SSH2: variants seen among roughly 807,000 people sequenced by gnomAD.
SSH2 encodes the protein slingshot protein phosphatase 2.
SSH2 carries 37 observed loss-of-function variants against 135.2 expected under a neutral mutation model. That is an observed-to-expected ratio of 0.27 (90% confidence interval 0.21 to 0.36). The LOEUF is 0.36. Among genes scored for constraint, SSH2 ranks in the 10% least tolerant of loss-of-function variants. SSH2 has a pLI of 1.00. For synonymous variants in SSH2, 628 were observed against 646.2 expected (o/e 0.97, Z 0.43); for missense variants, 1,408 against 1,765.3 (o/e 0.80, Z 3.63).
intron 2 of SSH2, among the ~76,000 whole-genome samples, chr17:29,812,616 C>A (rs1040928573): frequency 6.6e-6 from 1 of 152,152 alleles, no homozygotes; most frequent in Non-Finnish European, 1.5e-5. Flanking sequence ...GCCAGCCGGG[C>A]GCGATGGCTC....
intron 3 of SSH2, among the ~76,000 whole-genome samples, chr17:29,747,036 T>G (rs747137775): frequency 6.6e-6 from 1 of 152,154 alleles, no homozygotes; most frequent in Non-Finnish European, 1.5e-5. Context: ...ATCACGAATA[T>G]CCATGTAAAT....
In SSH2 at chr17:29,761,289, A is replaced by T. The variant is rs1427148230; in HGVS notation, c.188+32605T>A. The T allele has an allele frequency of 3.9e-6, 5 of 1,283,664 alleles. No individual in the cohort carries two copies. In the South Asian group the frequency reaches 6.2e-5, roughly 16 times the overall value. 79.5% of individuals were successfully genotyped at this position (1,283,664 alleles called of 1,614,324 possible). A position where few individuals can be genotyped will look rare whatever the true frequency, so the allele number is the denominator to read the frequency against. On this transcript the variant is annotated intron_variant, in intron 3 of 15. Transcript: ENST00000540801. ...GTGCTCAGGGTCATGGGGCCGGCTCAAAGTGCACAACTCCGCATCCTGGCC... is the reference window on the plus strand; with the variant it reads ...GTGCTCAGGGTCATGGGGCCGGCTCTAAGTGCACAACTCCGCATCCTGGCC...
At chr17:29,694,842 GT>G (rs1335648801) in intron 5 of SSH2, among the ~76,000 whole-genome samples, 21 of 152,110 alleles carry the variant, frequency 1.4e-4, no homozygotes, top group Non-Finnish European at 1.5e-4. Flanking sequence ...TGCCTGCCTT[GT>G]TTTCTAGTCT....
At chr17:29,874,259 C>A (rs972135867) in intron 1 of SSH2, among the ~76,000 whole-genome samples, 13 of 145,778 alleles carry the variant, frequency 8.9e-5, no homozygotes, top group African/African-American at 3.1e-4. Context: ...CCACTGCACT[C>A]CAGCCTGGGT....
intron 2 of SSH2, among the ~76,000 whole-genome samples, chr17:29,804,780 C>T (rs767544042): frequency 6.6e-6 from 1 of 151,056 alleles, no homozygotes; most frequent in Non-Finnish European, 1.5e-5. Context: ...CAAGTGTTCT[C>T]TCGCCTCAGC....
intron 3 of SSH2, among the ~76,000 whole-genome samples, chr17:29,712,661 G>A (rs189649157): frequency 4.9e-4 from 74 of 152,198 alleles, no homozygotes; most frequent in African/African-American, 1.5e-3. Flanking sequence ...AAAATTAGCC[G>A]GGCATGGTGG....
At chr17:29,652,012 T>G (rs962125176) in intron 12 of SSH2, among the ~76,000 whole-genome samples, 1 of 152,080 alleles carries the variant, frequency 6.6e-6, no homozygotes, top group Non-Finnish European at 1.5e-5. Context: ...CGTGGTGGCA[T>G]GTGCCTGTAA....
intron 1 of SSH2, among the ~76,000 whole-genome samples, chr17:29,883,887 C>T (rs2066184692): frequency 6.6e-6 from 1 of 152,122 alleles, no homozygotes; most frequent in Non-Finnish European, 1.5e-5. Context: ...AATATTTGAC[C>T]TTGCATTCCT....
chr17:29,797,728 C>G (rs1036316757), intron 2 of SSH2, among the ~76,000 whole-genome samples: 1 of 152,146 alleles, frequency 6.6e-6, no homozygotes, highest in South Asian at 2.1e-4. Flanking sequence ...AAGACACAGT[C>G]TCTACCAAAA....
At chr17:29,741,883 G>A (rs2040567817) in intron 3 of SSH2, among the ~76,000 whole-genome samples, 1 of 150,734 alleles carries the variant, frequency 6.6e-6, no homozygotes, top group Admixed American at 6.6e-5. Flanking sequence ...CAAAGTGCTT[G>A]GGATTACAGG....
chr17:29,769,599 G>A (rs2041523029), intron 3 of SSH2, among the ~76,000 whole-genome samples: 1 of 152,074 alleles, frequency 6.6e-6, no homozygotes, highest in Non-Finnish European at 1.5e-5. Flanking sequence ...GGCATTTAAT[G>A]TATTTGTGAA....
intron 1 of SSH2, among the ~76,000 whole-genome samples, chr17:29,907,124 T>C (rs1287118041): frequency 6.6e-6 from 1 of 152,178 alleles, no homozygotes. Flanking sequence ...ATGCCCATCA[T>C]TGATAGACTG....
intron 3 of SSH2, among the ~76,000 whole-genome samples, chr17:29,732,791 C>G (rs2040241383): frequency 1.3e-5 from 2 of 152,152 alleles, no homozygotes. Context: ...TGGAAACCAA[C>G]AGAACAACCA....
chr17:29,871,721 A>C (rs1164694074), intron 1 of SSH2, among the ~76,000 whole-genome samples: 1 of 152,220 alleles, frequency 6.6e-6, no homozygotes, highest in African/African-American at 2.4e-5. Flanking sequence ...AATGTTTCCA[A>C]ACCTGGGAAA....
intron 5 of SSH2, among the ~76,000 whole-genome samples, chr17:29,694,664 G>A (rs547949564): frequency 3.3e-5 from 5 of 152,076 alleles, no homozygotes; most frequent in South Asian, 2.1e-4. Flanking sequence ...GCAAGACTCC[G>A]TCTCACAAAG....
In SSH2 at chr17:29,676,831, C is replaced by A; in HGVS notation, c.603G>T (p.Val201=). The change falls in exon 8 of 16, where the codon GTG becomes GTT. Residue 201 remains valine (V), a synonymous_variant. Transcript: ENST00000540801. ...NRVHIFKPVS[V]QAMWSALQSL... is the part of the protein sequence containing the mutation. ...AAAAGTCATCTTACCACATTGCCTGCACAGATACAGGTTTGAATATGTGAA... is the reference window on the plus strand; with the variant it reads ...AAAAGTCATCTTACCACATTGCCTGAACAGATACAGGTTTGAATATGTGAA... 6.2e-7 allele frequency: 1 copy of A among 1,613,430 alleles called. No homozygotes were observed. The highest frequency in any genetic ancestry group is 8.5e-7 in the Non-Finnish European group (1 of 1,179,496).
At chr17:29,854,833 GCTA>G (rs1329302611) in intron 1 of SSH2, among the ~76,000 whole-genome samples, 1 of 151,896 alleles carries the variant, frequency 6.6e-6, no homozygotes, top group Non-Finnish European at 1.5e-5. Flanking sequence ...TGTAATCCCA[GCTA>G]CTCGGGAGGC....
chr17:29,731,869 G>T lies in SSH2; in HGVS notation c.189-28807C>A, dbSNP rs577721000. Among the ~76,000 whole-genome samples the T allele has an allele frequency of 2.2e-3, 332 of 152,166 alleles. 1 individual carries two copies. Among genetic ancestry groups the T allele is most frequent in the African/African-American group, 7.9e-3 (327 of 41,512 alleles). On this transcript the variant is annotated intron_variant, in intron 3 of 15. Coordinates refer to ENST00000540801, the MANE Select transcript of SSH2 (RefSeq NM_001282129.2). ...AAATGATTAATTTGTTCATTCATTG[G>T]ATCCTTGCTTCCACTGGAAATTTTT...
chr17:29,873,794 G>T lies in SSH2; in HGVS notation c.64-24865C>A, dbSNP rs190442127. The stretch of plus-strand genomic sequence containing the variant: ...TCCATTTTCCATTCTGTTTTTAGAA[G>T]AGGTTATAGACAAGAACAGAAATTG... On this transcript the variant is annotated intron_variant, in intron 1 of 15. Transcript: ENST00000540801. Among the ~76,000 whole-genome samples, 3 of 152,258 alleles carry T rather than the reference G, an allele frequency of 2.0e-5. No individual in the cohort carries two copies. The East Asian group carries it at 5.8e-4, about 29-fold the overall frequency.
Sources: allele counts gnomAD v4.1 joint callset (sites outside exome capture counted in the v4.1 genomes callset), GRCh38; gene constraint gnomAD v4.1.1; transcripts MANE v1.5; gene names NCBI Gene and HGNC (gene_info 2026-07-23, HGNC 2026-07-21).